Variants in MARCHF1 observed in about 807,000 individuals in gnomAD.
MARCHF1 encodes E3 ubiquitin-protein ligase MARCHF1.
A neutral mutation model predicts 54.2 loss-of-function variants in MARCHF1; 40 were observed. The observed-to-expected ratio is 0.74, with a 90% CI of 0.57 to 0.96. The LOEUF (loss-of-function observed/expected upper bound fraction) is 0.96. Among genes scored for constraint, MARCHF1 ranks in the 40% least tolerant of loss-of-function variants. The pLI is 0.00. For synonymous variants in MARCHF1, 236 were observed against 236.3 expected, an observed-to-expected ratio of 1.00 and a Z score of 0.01; for missense variants, 586 against 656.5, an observed-to-expected ratio of 0.89 and a Z score of 1.17.
At chr4:163,752,760 ATTCAAC>A (rs1438273856) in intron 4 of MARCHF1, among the ~76,000 whole-genome samples, 6 of 152,220 alleles carry the variant, frequency 3.9e-5, no homozygotes, top group Admixed American at 3.9e-4. Context: ...GTTTGAAGCT[ATTCAAC>A]TTCATTTGTT....
At chr4:164,374,976 T>A (rs1561024464) in intron 1 of MARCHF1, among the ~76,000 whole-genome samples, 1 of 152,154 alleles carries the variant, frequency 6.6e-6, no homozygotes, top group Non-Finnish European at 1.5e-5. Flanking sequence ...GGACCTGACT[T>A]TGGGTTCCAT....
At chr4:163,843,926 C>A (rs1749412594) in intron 4 of MARCHF1, among the ~76,000 whole-genome samples, 1 of 151,228 alleles carries the variant, frequency 6.6e-6, no homozygotes, top group East Asian at 1.9e-4. Context: ...TGTATGTCTT[C>A]TTTTAAGAAT....
In MARCHF1 at chr4:163,926,441, A is replaced by G. The variant is rs548661514; in HGVS notation, c.-39+62060T>C. On this transcript the variant is annotated intron_variant, in intron 3 of 9. Transcript: ENST00000514618. ...ACAGAACATGACTAATATTGCTGCT[A>G]GGAAGATTCTTGTATAGAACTTTTG... 2.2e-3 allele frequency among the ~76,000 whole-genome samples: 339 copies of G among 151,742 alleles called. 1 individual carries two copies. Among genetic ancestry groups the G allele is most frequent in the African/African-American group, 7.8e-3 (324 of 41,526 alleles).
chr4:163,631,302 C>T (rs2110992380), intron 5 of MARCHF1, among the ~76,000 whole-genome samples: 1 of 151,928 alleles, frequency 6.6e-6, no homozygotes, highest in African/African-American at 2.4e-5. Context: ...AAGCAATTCT[C>T]TTGCCTCAGC....
chr4:164,268,044 C>G (rs533382103), intron 1 of MARCHF1, among the ~76,000 whole-genome samples: 6 of 152,260 alleles, frequency 3.9e-5, no homozygotes, highest in South Asian at 2.1e-4. Context: ...CTCATAAGAT[C>G]AGGTTTCAAA....
chr4:164,050,305 A>T (rs868563676), intron 2 of MARCHF1, among the ~76,000 whole-genome samples: 1 of 133,900 alleles, frequency 7.5e-6, no homozygotes, highest in Non-Finnish European at 1.6e-5. Flanking sequence ...AAAAAAAAAA[A>T]GGCCCTAGCT....
intron 4 of MARCHF1, among the ~76,000 whole-genome samples, chr4:163,765,817 A>C (rs1746958021): frequency 8.4e-6 from 1 of 118,554 alleles, no homozygotes. Flanking sequence ...GATATACCGG[A>C]TTATATAGAT....
intron 7 of MARCHF1, among the ~76,000 whole-genome samples, chr4:163,611,684 C>A (rs529808048): frequency 6.6e-6 from 1 of 151,940 alleles, no homozygotes; most frequent in Non-Finnish European, 1.5e-5. Context: ...ATGTTGAAAC[C>A]TTTCGGTATA....
At chr4:163,834,985 T>C (rs1195152687) in intron 4 of MARCHF1, among the ~76,000 whole-genome samples, 1 of 152,134 alleles carries the variant, frequency 6.6e-6, no homozygotes, top group Non-Finnish European at 1.5e-5. Context: ...GGGTTCAAGC[T>C]ATCCTCCTAA....
At chr4:164,177,806 G>GAGACACACACACAC (rs148681185) in intron 1 of MARCHF1, among the ~76,000 whole-genome samples, 2,029 of 149,282 alleles carry the variant, frequency 0.014, 40 homozygotes, top group African/African-American at 0.045. Flanking sequence ...GTATGAAAGA[G>GAGACACACACACAC]ACACACACAC....
intron 1 of MARCHF1, among the ~76,000 whole-genome samples, chr4:164,169,386 A>G (rs34679481): frequency 0.046 from 6,929 of 152,110 alleles, 219 homozygotes; most frequent in Middle Eastern, 0.15. Flanking sequence ...GTTCAGTCTA[A>G]TAAAACTCCA....
At chr4:163,872,785 C>T (rs1750196957) in intron 3 of MARCHF1, among the ~76,000 whole-genome samples, 1 of 152,050 alleles carries the variant, frequency 6.6e-6, no homozygotes, top group Non-Finnish European at 1.5e-5. Flanking sequence ...TGGCTCACGC[C>T]TGTAATCCCA....
intron 2 of MARCHF1, among the ~76,000 whole-genome samples, chr4:164,050,027 C>A (rs1312014446): frequency 6.6e-6 from 1 of 152,050 alleles, no homozygotes; most frequent in Non-Finnish European, 1.5e-5. Context: ...GCAATCCCAG[C>A]ACTTTGGGAG....
chr4:164,227,153 A>G (rs1732281570), intron 1 of MARCHF1, among the ~76,000 whole-genome samples: 1 of 152,168 alleles, frequency 6.6e-6, no homozygotes, highest in South Asian at 2.1e-4. Flanking sequence ...AAGACATTTA[A>G]TTGACTCACA....
chr4:164,118,530 T>C (rs534180763), intron 1 of MARCHF1, among the ~76,000 whole-genome samples: 111 of 151,250 alleles, frequency 7.3e-4, no homozygotes, highest in Non-Finnish European at 1.3e-3. Context: ...AACAGTAATA[T>C]ATAATATAAT....
At chr4:163,655,305 A>C (rs1579162926) in intron 5 of MARCHF1, among the ~76,000 whole-genome samples, 1 of 151,742 alleles carries the variant, frequency 6.6e-6, no homozygotes, top group South Asian at 2.1e-4. Flanking sequence ...TCTTTTAGTG[A>C]TAATCTATGT....
At chr4:163,926,479 T>C (rs1687904835) in intron 3 of MARCHF1, among the ~76,000 whole-genome samples, 1 of 151,594 alleles carries the variant, frequency 6.6e-6, no homozygotes, top group South Asian at 2.1e-4. Context: ...GAACATATAC[T>C]CTTAACTGTT....
chr4:164,059,201 C>T (rs781296605), intron 2 of MARCHF1, among the ~76,000 whole-genome samples: 18 of 152,108 alleles, frequency 1.2e-4, no homozygotes, highest in Non-Finnish European at 2.6e-4. Flanking sequence ...ATCAGTGATT[C>T]CGGAGTAAAT....
intron 4 of MARCHF1, among the ~76,000 whole-genome samples, chr4:163,788,867 A>G (rs1747693380): frequency 6.6e-6 from 1 of 152,084 alleles, no homozygotes; most frequent in Non-Finnish European, 1.5e-5. Context: ...CAATCTCAAC[A>G]AATTGGTGGA....
Sources: allele counts gnomAD v4.1 joint callset (sites outside exome capture counted in the v4.1 genomes callset), GRCh38; gene constraint gnomAD v4.1.1; transcripts MANE v1.5; gene names NCBI Gene and HGNC (gene_info 2026-07-23, HGNC 2026-07-21).